Variants in MPP3 observed in about 807,000 individuals in gnomAD.
MPP3 encodes the protein MAGUK p55 scaffold protein 3.
A neutral mutation model predicts 80.7 loss-of-function variants in MPP3; 48 were observed. That is an observed-to-expected ratio of 0.59 (90% CI 0.47 to 0.76). The LOEUF is 0.76. Ranked by LOEUF, MPP3 falls within the 30% of genes least tolerant of loss-of-function variation. The pLI, the probability that MPP3 is intolerant of heterozygous loss-of-function variation, is 0.00. For synonymous variants in MPP3, 311 were observed against 297.6 expected (o/e 1.04, Z -0.46); for missense variants, 620 against 763.0 (o/e 0.81, Z 2.21).
At chr17:43,820,781 G>A in intron 11 of MPP3, 81 bp downstream of exon 11, 1 of 1,338,116 alleles carries the variant, frequency 7.5e-7, no homozygotes, top group Non-Finnish European at 1.1e-6. Context: ...CTGGCTGTGA[G>A]GGCAGAGACT....
intron 19 of MPP3, among the ~76,000 whole-genome samples, chr17:43,807,373 A>G (rs1392535142): frequency 2.0e-5 from 3 of 150,506 alleles, no homozygotes; most frequent in African/African-American, 7.4e-5. Flanking sequence ...ATGCAGTGGC[A>G]TGGTCATGGC....
chr17:43,808,534 CTGA>C (rs1409854664), intron 19 of MPP3, among the ~76,000 whole-genome samples: 1 of 152,264 alleles, frequency 6.6e-6, no homozygotes, highest in Non-Finnish European at 1.5e-5. Flanking sequence ...CCTTCATTCA[CTGA>C]TGATTCAAAC....
At chr17:43,808,841 TAGA>T (rs1472815391) in intron 19 of MPP3, 112 bp downstream of exon 19, 34 of 1,194,248 alleles carry the variant, frequency 2.8e-5, no homozygotes, top group Non-Finnish European at 3.8e-5. Context: ...CAATCACATG[TAGA>T]AGGTGTGTCC....
Position 43,801,603 on chromosome 17 carries a change from C to G in MPP3, c.*98G>C, listed in dbSNP as rs140926132. On this transcript the variant is annotated 3_prime_UTR_variant, in exon 20 of 20. Coordinates refer to ENST00000398389, the MANE Select transcript of MPP3 (RefSeq NM_001932.6). ...GATGATGGAATTTGTGGAGAATTCTCTCCCTCTCTGCGCTTGAGATTCCTT... is the reference window on the plus strand; with the variant it reads ...GATGATGGAATTTGTGGAGAATTCTGTCCCTCTCTGCGCTTGAGATTCCTT... The G allele has an allele frequency of 2.6e-4, 302 of 1,179,434 alleles. 1 individual carries two copies. In the East Asian group the frequency reaches 7.1e-3, roughly 28 times the overall value. The allele number at this position is 1,179,434 out of a possible 1,614,324, so 73.1% of individuals were successfully genotyped here.
intron 10 of MPP3, among the ~76,000 whole-genome samples, 178 bp from the exon 11 acceptor site, chr17:43,821,236 T>C (rs1022149604): frequency 6.6e-5 from 10 of 152,232 alleles, no homozygotes; most frequent in African/African-American, 2.4e-4. Flanking sequence ...CTTCAACCAT[T>C]TGGGATACTA....
In MPP3 at chr17:43,831,577, GCTTTTTTCACT is replaced by G; in HGVS notation, c.115_125del (p.Ser39ProfsTer9). 1 of 1,612,974 alleles carries G rather than the reference GCTTTTTTCACT, an allele frequency of 6.2e-7. No individual in the cohort carries two copies. On this transcript the variant is annotated frameshift_variant, in exon 4 of 20. Transcript: ENST00000398389. LOFTEE classifies it high-confidence loss of function. ...ACTTCACCTTCATTAAGTAACTGAG[GCTTTTTTCACT>G]GAAAACATCCCTCAGGAAGCCCATC...
At position 43,831,865 on chromosome 17, in the gene MPP3, CG is replaced by C; in HGVS notation, c.25+16del. ...TCTTCAGGACTGTGGCAGGTCCAGC[CG>C]GGGGGAGGTACTTACCAGAGTCCTC... is the stretch of plus-strand genomic sequence containing the variant. On this transcript the variant is annotated intron_variant, in intron 3 of 19. Coordinates refer to ENST00000398389, the MANE Select transcript of MPP3 (RefSeq NM_001932.6). The C allele has an allele frequency of 1.9e-6, 3 of 1,598,704 alleles. No individual in the cohort carries two copies. Among genetic ancestry groups the C allele is most frequent in the Admixed American group, 1.8e-5 (1 of 56,464 alleles).
At chr17:43,806,151 TTTTA>T (rs141341983) in intron 19 of MPP3, among the ~76,000 whole-genome samples, 4 of 151,738 alleles carry the variant, frequency 2.6e-5, no homozygotes, top group Admixed American at 6.6e-5. Context: ...AACACATGGC[TTTTA>T]TTTATTTATT....
chr17:43,801,888 A>G lies in MPP3; in HGVS notation c.1582-11T>C. On this transcript the variant is annotated splice_polypyrimidine_tract_variant and intron_variant, in intron 19 of 19. Coordinates refer to ENST00000398389, the MANE Select transcript of MPP3 (RefSeq NM_001932.6). The stretch of plus-strand genomic sequence containing the variant: ...TTGCTGCTGCTCATCCTGCAAGGAA[A>G]GGGGTGGTAAAAGGAGCAACTGGGT... The G allele has an allele frequency of 1.2e-6, 2 of 1,608,222 alleles. No individual in the cohort carries two copies. Among genetic ancestry groups the G allele is most frequent in the Non-Finnish European group, 1.7e-6 (2 of 1,177,866 alleles).
At position 43,825,829 on chromosome 17, in the gene MPP3, A is replaced by G. The variant is rs376594477; in HGVS notation, c.536T>C (p.Val179Ala). The G allele has an allele frequency of 9.9e-6, 16 of 1,610,132 alleles. No individual in the cohort carries two copies. Among genetic ancestry groups the G allele is most frequent in the East Asian group, 2.2e-5 (1 of 44,856 alleles). Residue 179 changes from valine to alanine, a missense_variant, in exon 9 of 20, where the codon GTT becomes GCT. Transcript: ENST00000398389. The part of the protein sequence containing the change: ...GAADRSGLVH[V>A]GDELREVNGI... ...GTTCACTTCTCGGAGCTCATCTCCA[A>G]CGTGGACCAGGCCTAGGAGACACAG...
intron 9 of MPP3, chr17:43,824,929 C>T (rs1013835605): frequency 6.6e-6 from 1 of 152,346 alleles, no homozygotes; most frequent in Non-Finnish European, 1.5e-5. Flanking sequence ...GGCCCACAAC[C>T]ACACTCAGCT....
intron 19 of MPP3, among the ~76,000 whole-genome samples, chr17:43,808,208 G>T (rs1199246322): frequency 6.6e-6 from 1 of 152,232 alleles, no homozygotes; most frequent in East Asian, 1.9e-4. Flanking sequence ...CAAGGGGAAG[G>T]ATCCGAGAAG....
rs1249623482 is a variant in MPP3 at position 43,806,188 on chromosome 17, CAG to C, written c.1581+2766_1581+2767del. Among the ~76,000 whole-genome samples the C allele has an allele frequency of 2.0e-5, 3 of 151,888 alleles. No individual in the cohort carries two copies. The East Asian group carries it at 5.8e-4, about 29-fold the overall frequency. On this transcript the variant is annotated intron_variant, in intron 19 of 19. Transcript: ENST00000398389. Reference sequence around the variant, plus strand: ...ATTTAATTAATTTATTTTTTTGAGACAGAGTCTTGCTCTGTCGCCCAGGCTGA... The same window carrying C: ...ATTTAATTAATTTATTTTTTTGAGACAGTCTTGCTCTGTCGCCCAGGCTGA...
At chr17:43,810,984 A>C (rs2044829683) in intron 17 of MPP3, 69 bp from the exon 18 acceptor site, 1 of 1,429,042 alleles carries the variant, frequency 7.0e-7, no homozygotes. Context: ...AGCAAAGGGG[A>C]CCTCCCAACA....
In MPP3 at chr17:43,831,848, A is replaced by G. The variant is rs8068257; in HGVS notation, c.25+34T>C. The G allele has an allele frequency of 0.03, 46,962 of 1,588,000 alleles. 9,024 individuals are homozygous for G. The African/African-American group carries it at 0.48, about 16-fold the overall frequency. Reference sequence around the variant, plus strand: ...TGCCAGGCAGGCTCTTGTCTTCAGGACTGTGGCAGGTCCAGCCGGGGGGAG... The same window carrying G: ...TGCCAGGCAGGCTCTTGTCTTCAGGGCTGTGGCAGGTCCAGCCGGGGGGAG... On this transcript the variant is annotated intron_variant, in intron 3 of 19. Transcript: ENST00000398389.
intron 18 of MPP3, among the ~76,000 whole-genome samples, chr17:43,810,195 G>A (rs1486310425): frequency 6.6e-6 from 1 of 151,832 alleles, no homozygotes; most frequent in Non-Finnish European, 1.5e-5. Context: ...CTATAGAGGG[G>A]AAAAAAAATC....
chr17:43,801,951 C>A lies in MPP3; in HGVS notation c.1582-74G>T, dbSNP rs1395216119. 5 of 1,481,442 alleles carry A rather than the reference C, an allele frequency of 3.4e-6. No individual in the cohort carries two copies. The African/African-American group carries it at 7.0e-5, about 21-fold the overall frequency. 91.8% of individuals were successfully genotyped at this position (1,481,442 alleles called of 1,614,324 possible). A position where few individuals can be genotyped will look rare whatever the true frequency, so the allele number is the denominator to read the frequency against. ...ACAAACCTATAACCTTTGTCTTGAGCAATGTTCCAACCTTTAACTTTTAAG... is the reference window on the plus strand; with the variant it reads ...ACAAACCTATAACCTTTGTCTTGAGAAATGTTCCAACCTTTAACTTTTAAG... On this transcript the variant is annotated intron_variant, in intron 19 of 19. Transcript: ENST00000398389.
Position 43,810,691 on chromosome 17 carries a change from A to T in MPP3, c.1458+116T>A, listed in dbSNP as rs2154591206. The T allele has an allele frequency of 8.7e-6, 6 of 691,974 alleles. No individual in the cohort carries two copies. The South Asian group carries it at 1.1e-4, about 13-fold the overall frequency. 42.9% of individuals were successfully genotyped at this position (691,974 alleles called of 1,614,324 possible). A position where few individuals can be genotyped will look rare whatever the true frequency, so the allele number is the denominator to read the frequency against. On this transcript the variant is annotated intron_variant, in intron 18 of 19. Coordinates refer to ENST00000398389, the MANE Select transcript of MPP3 (RefSeq NM_001932.6). The stretch of plus-strand genomic sequence containing the variant: ...AAAGGAAGACCCAAAGAAATTGAAC[A>T]GCCAGTGTTCTAGACTAAAAATTCC...
Position 43,817,815 on chromosome 17 carries a change from G to A in MPP3, c.946+231C>T, listed in dbSNP as rs530620924. The A allele has an allele frequency of 2.2e-5, 11 of 489,106 alleles. No homozygotes were observed. In the South Asian group the frequency reaches 3.5e-4, roughly 15 times the overall value. 30.3% of individuals were successfully genotyped at this position (489,106 alleles called of 1,614,324 possible). On this transcript the variant is annotated intron_variant, in intron 12 of 19. Coordinates refer to ENST00000398389, the MANE Select transcript of MPP3 (RefSeq NM_001932.6). ...CACATCTGCACATTTTGGGAAAGCT[G>A]TTAACATACCCCCCAGCATCATCTA...
Sources: allele counts gnomAD v4.1 joint callset (sites outside exome capture counted in the v4.1 genomes callset), GRCh38; gene constraint gnomAD v4.1.1; transcripts MANE v1.5; gene names NCBI Gene and HGNC (gene_info 2026-07-23, HGNC 2026-07-21).